The following CHAF1B variants were observed in gnomAD, a reference collection of about 807,000 sequenced individuals.
CHAF1B encodes CAF-1 subunit B.
Under a neutral mutation model 60.7 loss-of-function variants are expected in CHAF1B, and 10 were observed. The observed-to-expected ratio is 0.16, with a 90% CI of 0.10 to 0.28. The LOEUF (loss-of-function observed/expected upper bound fraction) is 0.28, where lower values mean the gene tolerates loss of function less well. Ranked by LOEUF, CHAF1B falls within the 10% of genes least tolerant of loss-of-function variation. The pLI, the probability that CHAF1B is intolerant of heterozygous loss-of-function variation, is 1.00. For missense variants in CHAF1B, 558 were observed against 708.4 expected (o/e 0.79, Z 2.41); for synonymous variants, 261 against 266.1 (o/e 0.98, Z 0.19).
At position 36,415,286 on chromosome 21, in the gene CHAF1B, T is replaced by A. The variant is rs751179599; in HGVS notation, c.1494-9T>A. Reference sequence around the variant, plus strand: ...CATCACCCCTCTACTTTTTTTTTTTTAAATCAAGGAGAATAAACTTAACAC... The same window carrying A: ...CATCACCCCTCTACTTTTTTTTTTTAAAATCAAGGAGAATAAACTTAACAC... On this transcript the variant is annotated splice_polypyrimidine_tract_variant and intron_variant, in intron 12 of 13. Transcript: ENST00000314103. 4.7e-5 allele frequency: 73 copies of A among 1,541,492 alleles called. No homozygotes were observed. The highest frequency in any genetic ancestry group is 3.6e-4 in the Admixed American group (21 of 58,508).
intron 5 of CHAF1B, among the ~76,000 whole-genome samples, chr21:36,395,143 C>T (rs148906751): frequency 0.027 from 4,042 of 152,008 alleles, 186 homozygotes; most frequent in African/African-American, 0.093. Flanking sequence ...CTCCACCTCC[C>T]GGGTTCAAGC....
chr21:36,405,575 G>C (rs553200718), intron 8 of CHAF1B, among the ~76,000 whole-genome samples: 2 of 152,072 alleles, frequency 1.3e-5, no homozygotes, highest in Non-Finnish European at 2.9e-5. Context: ...GACCACAGGC[G>C]TGTAGCACCA....
At position 36,411,530 on chromosome 21, in the gene CHAF1B, G is replaced by A. The variant is rs1271617821; in HGVS notation, c.987G>A (p.Leu329=). 1.2e-6 allele frequency: 2 copies of A among 1,614,100 alleles called. No individual in the cohort carries two copies. The highest frequency in any genetic ancestry group is 4.5e-5 in the East Asian group (2 of 44,874). Residue 329 remains leucine, a synonymous_variant, in exon 11 of 14, where the codon CTG becomes CTA. Transcript: ENST00000314103. ...TGGCCTCGGAGGATTCCGTGCTTCT[G>A]TATGACACCCAGCAGTCCTTCCCTT... ...FAVASEDSVL[L]YDTQQSFPFG...
intron 8 of CHAF1B, among the ~76,000 whole-genome samples, chr21:36,407,885 G>A (rs1211792534): frequency 1.3e-5 from 2 of 152,042 alleles, no homozygotes; most frequent in African/African-American, 4.8e-5. Flanking sequence ...GGCTGAGGCA[G>A]GGGAATTGCT....
At chr21:36,385,698 T>C (rs939472201) in intron 1 of CHAF1B, among the ~76,000 whole-genome samples, 2 of 151,434 alleles carry the variant, frequency 1.3e-5, no homozygotes, top group Non-Finnish European at 3.0e-5. Context: ...GCCGCCCCGG[T>C]CCCCTACCCC....
intron 7 of CHAF1B, among the ~76,000 whole-genome samples, chr21:36,401,633 A>ACATAATATATATTTTTATATTATG (rs1569125359): frequency 7.2e-6 from 1 of 139,408 alleles, no homozygotes; most frequent in African/African-American, 2.6e-5. Flanking sequence ...TTTATATTAT[A>ACATAATATATATTTTTATATTATG]TATAATATAT....
chr21:36,412,176 G>T (rs1418549057), intron 11 of CHAF1B, among the ~76,000 whole-genome samples: 2 of 152,196 alleles, frequency 1.3e-5, no homozygotes, highest in African/African-American at 4.8e-5. Context: ...CTGAGGGGAG[G>T]CCTTGTAGAC....
intron 3 of CHAF1B, among the ~76,000 whole-genome samples, chr21:36,389,769 G>GTA (rs1349080593): frequency 8.5e-6 from 1 of 117,394 alleles, no homozygotes; most frequent in African/African-American, 4.4e-5. Context: ...ATGTGTGTGT[G>GTA]TGTGTGTGTG....
At chr21:36,391,267 G>T (rs1178715708) in intron 3 of CHAF1B, among the ~76,000 whole-genome samples, 1 of 152,082 alleles carries the variant, frequency 6.6e-6, no homozygotes, top group East Asian at 1.9e-4. Context: ...ATGCTTGGAA[G>T]TAAATCATCC....
chr21:36,414,496 G>A (rs929392791), intron 12 of CHAF1B, among the ~76,000 whole-genome samples: 1 of 151,928 alleles, frequency 6.6e-6, no homozygotes, highest in Non-Finnish European at 1.5e-5. Flanking sequence ...AACTATTTTT[G>A]GTATTAAATT....
At chr21:36,406,984 C>A (rs990453266) in intron 8 of CHAF1B, among the ~76,000 whole-genome samples, 3 of 152,056 alleles carry the variant, frequency 2.0e-5, no homozygotes, top group African/African-American at 7.2e-5. Context: ...GGAGGACATT[C>A]TAGGAATGGA....
intron 5 of CHAF1B, among the ~76,000 whole-genome samples, chr21:36,396,504 A>C (rs1285516292): frequency 2.6e-5 from 4 of 151,894 alleles, no homozygotes; most frequent in African/African-American, 7.3e-5. Flanking sequence ...CTACCAAAAA[A>C]ATACAAAAAT....
chr21:36,410,047 C>T (rs1007016576), intron 10 of CHAF1B, among the ~76,000 whole-genome samples: 3 of 151,698 alleles, frequency 2.0e-5, no homozygotes, highest in Admixed American at 2.0e-4. Context: ...CACTGCAAAC[C>T]CTGCCTCCCA....
At chr21:36,406,401 T>C (rs894258495) in intron 8 of CHAF1B, among the ~76,000 whole-genome samples, 8 of 152,190 alleles carry the variant, frequency 5.3e-5, no homozygotes, top group Admixed American at 5.2e-4. Flanking sequence ...TTCTTCTGCC[T>C]CAGCCTCCCA....
chr21:36,416,309 G>A lies in CHAF1B; in HGVS notation c.1623G>A (p.Glu541=). 6.2e-7 allele frequency: 1 copy of A among 1,614,094 alleles called. No individual in the cohort carries two copies. The highest frequency in any genetic ancestry group is 1.1e-5 in the South Asian group (1 of 91,084). The change falls in exon 14 of 14, where the codon GAG becomes GAA. Residue 541 remains glutamate (E), a synonymous_variant. Coordinates refer to ENST00000314103, the MANE Select transcript of CHAF1B (RefSeq NM_005441.3). ...GAGACGCTCAGGGCAGTCCCCCAGA[G>A]CTAAAGCGGCCCAGACTCGATGAAA... ...TPGDAQGSPP[E]LKRPRLDENK...
chr21:36,411,614 T>C lies in CHAF1B; in HGVS notation c.1061+10T>C. ...TCAGTGACATTTCATGGTGAGTGGC[T>C]GCTAATGAGGGAGAGTGAGTGAAGG... On this transcript the variant is annotated intron_variant, in intron 11 of 13. Transcript: ENST00000314103. The C allele has an allele frequency of 6.2e-7, 1 of 1,613,894 alleles. No homozygotes were observed. Among genetic ancestry groups the C allele is most frequent in the Non-Finnish European group, 8.5e-7 (1 of 1,179,910 alleles).
intron 12 of CHAF1B, 44 bp from the exon 13 acceptor site, chr21:36,415,251 A>G (rs1409225759): frequency 8.7e-7 from 1 of 1,148,106 alleles, no homozygotes; most frequent in Admixed American, 1.8e-5. Context: ...TTCCTGTGAT[A>G]CTAATGAGCC....
At chr21:36,391,739 C>CT (rs928219348) in intron 4 of CHAF1B, 71 bp downstream of exon 4, 630 of 954,484 alleles carry the variant, frequency 6.6e-4, no homozygotes, top group Middle Eastern at 9.1e-4. Flanking sequence ...TACCTTTTGA[C>CT]TTTTTTTTTC....
intron 8 of CHAF1B, 88 bp from the exon 9 acceptor site, chr21:36,408,673 G>A (rs965838612): frequency 7.1e-5 from 62 of 875,650 alleles, no homozygotes; most frequent in Non-Finnish European, 1.0e-4. Context: ...TTTGCAAACC[G>A]GACCTGAAGG....
Sources: gnomAD v4.1 joint callset for allele counts (sites outside exome capture counted in the v4.1 genomes callset) on GRCh38, gnomAD v4.1.1 for gene constraint, MANE v1.5 for transcripts, NCBI Gene and HGNC (gene_info 2026-07-23, HGNC 2026-07-21) for gene names.